Variants in SGCZ observed in about 807,000 individuals in gnomAD.
SGCZ encodes sarcoglycan zeta, also known as zeta-sarcoglycan.
Under a neutral mutation model 41.3 loss-of-function variants are expected in SGCZ, and 40 were observed. The ratio of observed to expected loss-of-function variants is 0.97; its 90% CI spans 0.75 to 1.26. SGCZ has a LOEUF of 1.26. SGCZ is among the 50% of genes most tolerant of loss of function. SGCZ has a pLI of 0.00. For missense variants in SGCZ, 552 were observed against 369.8 expected (o/e 1.49, Z -4.04); for synonymous variants, 206 against 137.5 (o/e 1.50, Z -3.49).
chr8:14,358,936 A>C (rs1352500626), intron 2 of SGCZ, among the ~76,000 whole-genome samples: 1 of 152,144 alleles, frequency 6.6e-6, no homozygotes, highest in Non-Finnish European at 1.5e-5. Context: ...AGGGCAAATA[A>C]AAATGGTTAT....
intron 1 of SGCZ, among the ~76,000 whole-genome samples, chr8:14,808,184 G>A (rs984773555): frequency 6.6e-5 from 10 of 152,304 alleles, no homozygotes; most frequent in African/African-American, 2.4e-4. Context: ...AGGACTTCAT[G>A]TCTAAAACAC....
At chr8:14,685,935 G>A (rs1048654873) in intron 1 of SGCZ, among the ~76,000 whole-genome samples, 2 of 152,068 alleles carry the variant, frequency 1.3e-5, no homozygotes, top group East Asian at 3.9e-4. Context: ...CAAGACTTGG[G>A]TTTAGCTGTT....
chr8:15,201,250 C>T (rs899614136), intron 1 of SGCZ, among the ~76,000 whole-genome samples: 16 of 152,176 alleles, frequency 1.1e-4, no homozygotes, highest in African/African-American at 3.9e-4. Context: ...CTCCTGACCT[C>T]AAGTCATCTG....
chr8:14,573,174 G>C (rs1411775054), intron 1 of SGCZ, among the ~76,000 whole-genome samples: 1 of 144,402 alleles, frequency 6.9e-6, no homozygotes. Flanking sequence ...TTGCCTCCAA[G>C]CTTTCTTAGC....
At chr8:14,414,115 C>T (rs761846797) in intron 2 of SGCZ, among the ~76,000 whole-genome samples, 4 of 151,876 alleles carry the variant, frequency 2.6e-5, no homozygotes, top group Non-Finnish European at 2.9e-5. Context: ...TATAATGTGA[C>T]TTGCACATGA....
chr8:14,286,012 T>C (rs898904303), intron 3 of SGCZ, among the ~76,000 whole-genome samples: 1 of 152,104 alleles, frequency 6.6e-6, no homozygotes, highest in Non-Finnish European at 1.5e-5. Context: ...CAGGATAAAT[T>C]ATTACTAATA....
chr8:14,699,217 TAA>T (rs1809059659), intron 1 of SGCZ, among the ~76,000 whole-genome samples: 1 of 149,624 alleles, frequency 6.7e-6, no homozygotes, highest in African/African-American at 2.4e-5. Context: ...AATTTATATA[TAA>T]TATATAAATC....
chr8:14,272,898 G>C (rs1335520560), intron 3 of SGCZ, among the ~76,000 whole-genome samples: 1 of 151,942 alleles, frequency 6.6e-6, no homozygotes, highest in Non-Finnish European at 1.5e-5. Flanking sequence ...GAAATGACTT[G>C]GGTTAACTCT....
In SGCZ at chr8:14,361,901, C is replaced by A. The variant is rs542786674; in HGVS notation, c.235-37697G>T. On this transcript the variant is annotated intron_variant, in intron 2 of 7. Coordinates refer to ENST00000382080, the MANE Select transcript of SGCZ (RefSeq NM_139167.4). Reference sequence around the variant, plus strand: ...CCTTTTTGTAGATGTTGATGCTGTTCCTTTCTGTTTGTTACTTTTCCTTCT... The same window carrying A: ...CCTTTTTGTAGATGTTGATGCTGTTACTTTCTGTTTGTTACTTTTCCTTCT... Among the ~76,000 whole-genome samples the A allele has an allele frequency of 5.3e-5, 8 of 152,240 alleles. No individual in the cohort carries two copies. The South Asian group carries it at 1.7e-3, about 32-fold the overall frequency.
chr8:15,167,497 T>G (rs1174334592), intron 1 of SGCZ, among the ~76,000 whole-genome samples: 1 of 152,186 alleles, frequency 6.6e-6, no homozygotes, highest in African/African-American at 2.4e-5. Context: ...AAACCCATGG[T>G]TGTGCTCAGC....
chr8:14,563,201 G>A (rs1331219217), intron 1 of SGCZ, among the ~76,000 whole-genome samples: 3 of 152,130 alleles, frequency 2.0e-5, no homozygotes, highest in Non-Finnish European at 4.4e-5. Flanking sequence ...GGATTTCAGT[G>A]TCTGAGATTT....
At chr8:15,223,252 T>C (rs1563193053) in intron 1 of SGCZ, among the ~76,000 whole-genome samples, 1 of 152,142 alleles carries the variant, frequency 6.6e-6, no homozygotes, top group African/African-American at 2.4e-5. Flanking sequence ...AAGCACTATC[T>C]AAAATGGAAG....
At chr8:14,377,093 TA>T (rs753612089) in intron 2 of SGCZ, among the ~76,000 whole-genome samples, 2 of 152,102 alleles carry the variant, frequency 1.3e-5, no homozygotes, top group Admixed American at 6.5e-5. Context: ...AGCCCCAGCA[TA>T]GACCGGGTTG....
chr8:14,663,844 A>G (rs1447727362), intron 1 of SGCZ, among the ~76,000 whole-genome samples: 1 of 152,160 alleles, frequency 6.6e-6, no homozygotes, highest in East Asian at 1.9e-4. Context: ...GTCACATATC[A>G]TTAGCACTTA....
intron 4 of SGCZ, 121 bp from the exon 5 acceptor site, chr8:14,164,823 T>A: frequency 1.6e-6 from 2 of 1,235,262 alleles, no homozygotes; most frequent in African/African-American, 1.5e-5. Context: ...GCTGTATGTT[T>A]TGCATCTGAG....
intron 1 of SGCZ, among the ~76,000 whole-genome samples, chr8:14,701,376 G>T (rs556450205): frequency 1.4e-4 from 21 of 151,840 alleles, no homozygotes; most frequent in African/African-American, 4.8e-4. Context: ...AGAATATTAG[G>T]ACCATTAAAA....
chr8:15,114,176 A>G (rs192708181), intron 1 of SGCZ, among the ~76,000 whole-genome samples: 66 of 152,306 alleles, frequency 4.3e-4, no homozygotes, highest in Non-Finnish European at 7.9e-4. Context: ...CTCTCTAGGT[A>G]ATCAAGTTTC....
chr8:15,034,905 C>A (rs976497292), intron 1 of SGCZ, among the ~76,000 whole-genome samples: 2 of 152,048 alleles, frequency 1.3e-5, no homozygotes, highest in African/African-American at 4.8e-5. Context: ...TCCAGATAAA[C>A]AAAACTGAAG....
At chr8:14,352,531 C>G (rs1285884207) in intron 2 of SGCZ, among the ~76,000 whole-genome samples, 2 of 152,070 alleles carry the variant, frequency 1.3e-5, no homozygotes, top group Non-Finnish European at 2.9e-5. Context: ...TGACAGCACA[C>G]TGAATATTAC....
Sources: allele counts gnomAD v4.1 joint callset (sites outside exome capture counted in the v4.1 genomes callset), GRCh38; gene constraint gnomAD v4.1.1; transcripts MANE v1.5; gene names NCBI Gene and HGNC (gene_info 2026-07-23, HGNC 2026-07-21).